NCAM1: variants seen among roughly 807,000 people sequenced by gnomAD.
NCAM1 encodes neural cell adhesion molecule 1.
Under a neutral mutation model 109.8 loss-of-function variants are expected in NCAM1, and 14 were observed. That is an observed-to-expected ratio of 0.13 (90% CI 0.08 to 0.20). The LOEUF is 0.20. Among genes scored for constraint, NCAM1 ranks in the 10% least tolerant of loss-of-function variants. NCAM1 has a pLI of 1.00. For synonymous variants in NCAM1, 418 were observed against 442.9 expected, an observed-to-expected ratio of 0.94 and a Z score of 0.70; for missense variants, 774 against 1,109.9, an observed-to-expected ratio of 0.70 and a Z score of 4.30.
intron 17 of NCAM1, chr11:113,269,967 A>G (rs1946229481): frequency 3.4e-6 from 2 of 584,654 alleles, no homozygotes; most frequent in Non-Finnish European, 3.0e-6. Flanking sequence ...CTGTTCCCCA[A>G]TCTGTGAGAT....
intron 1 of NCAM1, among the ~76,000 whole-genome samples, chr11:113,043,151 G>A (rs1429849430): frequency 6.6e-6 from 1 of 151,896 alleles, no homozygotes; most frequent in Non-Finnish European, 1.5e-5. Flanking sequence ...CTGGCGAGGG[G>A]GCACTGGGGA....
intron 17 of NCAM1, among the ~76,000 whole-genome samples, chr11:113,268,895 C>T (rs1946202891): frequency 6.6e-6 from 1 of 152,090 alleles, no homozygotes; most frequent in Non-Finnish European, 1.5e-5. Context: ...GGCTACAGTT[C>T]CCATCTTCAG....
chr11:113,222,415 C>T (rs1007400302), intron 9 of NCAM1, among the ~76,000 whole-genome samples: 6 of 152,350 alleles, frequency 3.9e-5, no homozygotes, highest in Admixed American at 2.6e-4. Flanking sequence ...TTAGTTTCTG[C>T]ACATGAACAG....
intron 19 of NCAM1, 51 bp downstream of exon 19, chr11:113,271,927 C>G: frequency 1.5e-6 from 2 of 1,373,234 alleles, no homozygotes; most frequent in Non-Finnish European, 2.0e-6. Context: ...CCCCCACACC[C>G]ACCTCCCCAC....
chr11:113,212,814 C>A (rs782344006), intron 7 of NCAM1, among the ~76,000 whole-genome samples: 1 of 152,044 alleles, frequency 6.6e-6, no homozygotes, highest in East Asian at 1.9e-4. Flanking sequence ...CCTTCCAATA[C>A]GAGTTGTAAT....
chr11:112,979,242 C>CA (rs1177366356), intron 1 of NCAM1, among the ~76,000 whole-genome samples: 3 of 149,418 alleles, frequency 2.0e-5, no homozygotes, highest in African/African-American at 7.3e-5. Flanking sequence ...AAAAAACAAA[C>CA]AAAAAAAACC....
chr11:113,256,147 G>A, intron 16 of NCAM1, 146 bp downstream of exon 16: 1 of 1,102,692 alleles, frequency 9.1e-7, no homozygotes, highest in Non-Finnish European at 1.3e-6. Context: ...CCCTGGCCAT[G>A]GCTTAAAATC....
At chr11:113,000,882 T>A (rs1951736858) in intron 1 of NCAM1, among the ~76,000 whole-genome samples, 1 of 146,598 alleles carries the variant, frequency 6.8e-6, no homozygotes, top group Non-Finnish European at 1.5e-5. Context: ...CACATACACG[T>A]ATGTATGTGT....
intron 1 of NCAM1, among the ~76,000 whole-genome samples, chr11:113,145,395 A>C (rs1458024848): frequency 6.6e-6 from 1 of 152,232 alleles, no homozygotes. Context: ...CATTCACTAC[A>C]TTATATGAAA....
chr11:112,984,918 T>G (rs1452231869), intron 1 of NCAM1, among the ~76,000 whole-genome samples: 2 of 150,374 alleles, frequency 1.3e-5, no homozygotes, highest in Non-Finnish European at 3.0e-5. Flanking sequence ...TCCCACTTGT[T>G]TATTTTTGCT....
At chr11:113,029,601 G>T (rs550321257) in intron 1 of NCAM1, among the ~76,000 whole-genome samples, 19 of 152,296 alleles carry the variant, frequency 1.2e-4, no homozygotes, top group Middle Eastern at 3.4e-3. Context: ...AGGGCTCCTG[G>T]AGGGTGGACT....
Position 113,277,150 on chromosome 11 carries a change from T to C in NCAM1, c.*1763T>C. On this transcript the variant is annotated 3_prime_UTR_variant, in exon 20 of 20. Coordinates refer to ENST00000316851, the MANE Select transcript of NCAM1 (RefSeq NM_181351.5). Reference sequence around the variant, plus strand: ...AGTAAACAGAAATCAGTACTCCGCATGCGCTCCTCTCCTAAGGTACAAAGC... The same window carrying C: ...AGTAAACAGAAATCAGTACTCCGCACGCGCTCCTCTCCTAAGGTACAAAGC... 2.5e-6 allele frequency: 1 copy of C among 395,226 alleles called. No individual in the cohort carries two copies. The highest frequency in any genetic ancestry group is 4.5e-6 in the Non-Finnish European group (1 of 224,266). 24.5% of individuals were successfully genotyped at this position (395,226 alleles called of 1,614,324 possible). A position where few individuals can be genotyped will look rare whatever the true frequency, so the allele number is the denominator to read the frequency against.
chr11:113,231,854 G>A, intron 10 of NCAM1, 59 bp downstream of exon 10: 1 of 1,600,920 alleles, frequency 6.2e-7, no homozygotes, highest in Non-Finnish European at 8.5e-7. Flanking sequence ...GTCAGGATGA[G>A]AGAGGAAAAC....
chr11:113,247,735 G>T (rs1282563822), intron 15 of NCAM1, among the ~76,000 whole-genome samples: 1 of 152,180 alleles, frequency 6.6e-6, no homozygotes, highest in Admixed American at 6.5e-5. Context: ...TGCAGTCCAC[G>T]CCAATAAATT....
chr11:113,030,859 A>G (rs1475842525), intron 1 of NCAM1, among the ~76,000 whole-genome samples: 1 of 152,212 alleles, frequency 6.6e-6, no homozygotes, highest in African/African-American at 2.4e-5. Context: ...AGTTTGTAAA[A>G]AACCTCACCT....
chr11:113,189,765 T>C (rs1381259691), intron 1 of NCAM1, among the ~76,000 whole-genome samples: 2 of 152,042 alleles, frequency 1.3e-5, no homozygotes, highest in Non-Finnish European at 2.9e-5. Context: ...TCAAGGACAG[T>C]TGGGTTTGGA....
intron 18 of NCAM1, among the ~76,000 whole-genome samples, chr11:113,270,859 A>G (rs187844104): frequency 1.3e-4 from 20 of 152,296 alleles, no homozygotes; most frequent in Admixed American, 1.1e-3. Flanking sequence ...GAACAAACAG[A>G]TAGAAATTCT....
chr11:113,169,169 A>G (rs1042897304), intron 1 of NCAM1, among the ~76,000 whole-genome samples: 4 of 152,106 alleles, frequency 2.6e-5, no homozygotes, highest in African/African-American at 7.2e-5. Flanking sequence ...CCTAGCTGAT[A>G]GCAACCATAT....
chr11:113,125,344 C>T (rs1188304390), intron 1 of NCAM1, among the ~76,000 whole-genome samples: 1 of 152,150 alleles, frequency 6.6e-6, no homozygotes, highest in Non-Finnish European at 1.5e-5. Context: ...ATTCTAAACC[C>T]TAACACCATT....
Sources: allele counts gnomAD v4.1 joint callset (sites outside exome capture counted in the v4.1 genomes callset), GRCh38; gene constraint gnomAD v4.1.1; transcripts MANE v1.5; gene names NCBI Gene and HGNC (gene_info 2026-07-23, HGNC 2026-07-21).